PPP1R9B: variants seen among roughly 807,000 people sequenced by gnomAD.
PPP1R9B encodes the protein neurabin-2.
PPP1R9B carries 17 observed loss-of-function variants against 75.8 expected under a neutral mutation model. The observed-to-expected ratio is 0.22, with a 90% confidence interval of 0.15 to 0.34. The LOEUF (loss-of-function observed/expected upper bound fraction) is 0.34, where lower values mean the gene tolerates loss of function less well. PPP1R9B is among the 10% of genes least tolerant of loss of function. The pLI is 1.00. For synonymous variants in PPP1R9B, 509 were observed against 535.4 expected (o/e 0.95, Z 0.68); for missense variants, 875 against 1,196.0 (o/e 0.73, Z 3.96).
At position 50,143,758 on chromosome 17, in the gene PPP1R9B, G is replaced by T. The variant is rs542354158; in HGVS notation, c.1505-40C>A. On this transcript the variant is annotated intron_variant, in intron 2 of 9. Coordinates refer to ENST00000612501, the MANE Select transcript of PPP1R9B (RefSeq NM_032595.5). ...GTGGTGAGATGGCAGGGCTTGTAGGGGACAGACGAGAGACTCTCCACCCCG... is the reference window on the plus strand; with the variant it reads ...GTGGTGAGATGGCAGGGCTTGTAGGTGACAGACGAGAGACTCTCCACCCCG... 23 of 1,611,350 alleles carry T rather than the reference G, an allele frequency of 1.4e-5. No individual in the cohort carries two copies. The African/African-American group carries it at 2.4e-4, about 17-fold the overall frequency.
intron 1 of PPP1R9B, among the ~76,000 whole-genome samples, chr17:50,148,921 G>A (rs1001769530): frequency 6.6e-6 from 1 of 151,924 alleles, no homozygotes; most frequent in African/African-American, 2.4e-5. Context: ...GGAACCTGAG[G>A]GCAGGTCGGG....
intron 7 of PPP1R9B, chr17:50,137,248 G>A (rs768548568): frequency 6.6e-6 from 1 of 152,302 alleles, no homozygotes; most frequent in African/African-American, 2.4e-5. Context: ...CCCGAATCAG[G>A]TTCCTCCTGC....
intron 1 of PPP1R9B, among the ~76,000 whole-genome samples, chr17:50,147,949 C>T (rs1912558120): frequency 6.6e-6 from 1 of 152,176 alleles, no homozygotes; most frequent in African/African-American, 2.4e-5. Context: ...ACAGATGGTG[C>T]TTTGGCTAGG....
chr17:50,145,319 G>A, intron 1 of PPP1R9B, 74 bp from the exon 2 acceptor site: 1 of 1,591,430 alleles, frequency 6.3e-7, no homozygotes. Context: ...AGGCCGAGGA[G>A]GCAGGCTGAG....
Position 50,149,747 on chromosome 17 carries a change from G to A in PPP1R9B, c.767C>T (p.Pro256Leu), listed in dbSNP as rs1220111461. 2.1e-6 allele frequency: 3 copies of A among 1,406,654 alleles called. No homozygotes were observed. The African/African-American group carries it at 4.6e-5, about 21-fold the overall frequency. 87.1% of individuals were successfully genotyped at this position (1,406,654 alleles called of 1,614,324 possible). A position where few individuals can be genotyped will look rare whatever the true frequency, so the allele number is the denominator to read the frequency against. Reference protein sequence around the residue: ...KRSRVFQPPPPPPPAPSGDAP... With the variant: ...KRSRVFQPPPLPPPAPSGDAP... ...ATCCCCCGACGGGGCGGGCGGCGGC[G>A]GCGGCGGGGGCTGGAACACCCGGGA... The change falls in exon 1 of 10, where the codon CCG becomes CTG. Residue 256 changes from proline to leucine, a missense_variant. Physicochemically the swap from Pro to Leu is moderately conservative, Grantham distance 98. This residue lies in a region of PPP1R9B where 449 missense variants were observed against 475.0 expected (regional missense o/e 0.95). Coordinates refer to ENST00000612501, the MANE Select transcript of PPP1R9B (RefSeq NM_032595.5). The surrounding 1 kb of genome is among the most constrained non-coding windows in gnomAD (Gnocchi z 7.2).
In PPP1R9B at chr17:50,134,311, A is replaced by C. The variant is rs1912152187; in HGVS notation, c.*1020T>G. ...GTAGTAAAATTTTGCCCTCCAGTCAAAACATTGGAAAACCAGTAGGGGGTG... is the reference window on the plus strand; with the variant it reads ...GTAGTAAAATTTTGCCCTCCAGTCACAACATTGGAAAACCAGTAGGGGGTG... On this transcript the variant is annotated 3_prime_UTR_variant, in exon 10 of 10. Transcript: ENST00000612501. 1 of 152,706 alleles carries C rather than the reference A, an allele frequency of 6.5e-6. No individual in the cohort carries two copies. The highest frequency in any genetic ancestry group is 6.5e-5 in the Admixed American group (1 of 15,292). 9.5% of individuals were successfully genotyped at this position (152,706 alleles called of 1,614,324 possible). A position where few individuals can be genotyped will look rare whatever the true frequency, so the allele number is the denominator to read the frequency against.
intron 3 of PPP1R9B, 99 bp downstream of exon 3, chr17:50,143,499 G>A: frequency 6.9e-7 from 1 of 1,459,500 alleles, no homozygotes; most frequent in Non-Finnish European, 9.4e-7. Context: ...AAATCTCCCA[G>A]GGAAGGCCCG....
chr17:50,145,219 A>G lies in PPP1R9B; in HGVS notation c.1398T>C (p.Asp466=), dbSNP rs527386226. Reference sequence around the variant, plus strand: ...CCACATCCTCGTTGCGACGATCGTAATCCTCGTTGGAGTAAGTGCTGAACA... The same window carrying G: ...CCACATCCTCGTTGCGACGATCGTAGTCCTCGTTGGAGTAAGTGCTGAACA... ...IQVFSTYSNE[D]YDRRNEDVDP... The change falls in exon 2 of 10, where the codon GAT becomes GAC. Residue 466 remains aspartate, a synonymous_variant. Coordinates refer to ENST00000612501, the MANE Select transcript of PPP1R9B (RefSeq NM_032595.5). 1.1e-5 allele frequency: 17 copies of G among 1,613,918 alleles called. No individual in the cohort carries two copies. In the East Asian group the frequency reaches 3.1e-4, roughly 30 times the overall value.
chr17:50,147,914 G>A (rs964829863), intron 1 of PPP1R9B, among the ~76,000 whole-genome samples: 1 of 152,180 alleles, frequency 6.6e-6, no homozygotes, highest in Non-Finnish European at 1.5e-5. Flanking sequence ...CAGAGTCCAG[G>A]AGTAGTTATG....
In PPP1R9B at chr17:50,135,403, TA is replaced by T. The variant is rs747944790; in HGVS notation, c.2401-20del. The T allele has an allele frequency of 6.2e-7, 1 of 1,612,924 alleles. No homozygotes were observed. The highest frequency in any genetic ancestry group is 8.5e-7 in the Non-Finnish European group (1 of 1,179,206). ...CTGAGATCTGGAAAACAAAGGAGGG[TA>T]GGGGGTCAGGTCTGGACACCAGGCA... On this transcript the variant is annotated intron_variant, in intron 9 of 9. Coordinates refer to ENST00000612501, the MANE Select transcript of PPP1R9B (RefSeq NM_032595.5).
intron 1 of PPP1R9B, among the ~76,000 whole-genome samples, chr17:50,148,859 C>CGCGTGGGGCAGGGCGGGTT (rs1402031353): frequency 6.6e-6 from 1 of 152,194 alleles, no homozygotes; most frequent in Non-Finnish European, 1.5e-5. Flanking sequence ...TCCCAGGACC[C>CGCGTGGGGCAGGGCGGGTT]GCGTGGGGCA....
chr17:50,147,336 G>A (rs1357423686), intron 1 of PPP1R9B, among the ~76,000 whole-genome samples: 2 of 152,256 alleles, frequency 1.3e-5, no homozygotes, highest in African/African-American at 4.8e-5. Flanking sequence ...GGCAACAATT[G>A]GGTCATCCAT....
At position 50,150,387 on chromosome 17, in the gene PPP1R9B, T is replaced by C. The variant is rs2144463222; in HGVS notation, c.127A>G (p.Lys43Glu). ...PDAPGPDEAP[K>E]GAHHKKYGSN... ...CCATATTTCTTGTGGTGGGCCCCCTTGGGTGCCTCGTCGGGCCCGGGCGCG... is the reference window on the plus strand; with the variant it reads ...CCATATTTCTTGTGGTGGGCCCCCTCGGGTGCCTCGTCGGGCCCGGGCGCG... The change falls in exon 1 of 10, where the codon AAG becomes GAG. Residue 43 changes from lysine (K) to glutamate (E), a missense_variant. Physicochemically the swap from Lys to Glu is moderately conservative, Grantham distance 56 (BLOSUM62 1). Around this residue, in one of 4 missense-constraint regions of PPP1R9B, gnomAD observed 145 missense variants for 226.1 expected, o/e 0.64. Coordinates refer to ENST00000612501, the MANE Select transcript of PPP1R9B (RefSeq NM_032595.5). This position sits in a 1 kb window ranked among gnomAD's most constrained non-coding sequence, Gnocchi z 8.7. 1 of 1,410,304 alleles carries C rather than the reference T, an allele frequency of 7.1e-7. No individual in the cohort carries two copies. Among genetic ancestry groups the C allele is most frequent in the East Asian group, 3.1e-5 (1 of 32,522 alleles). The allele number at this position is 1,410,304 out of a possible 1,614,324, so 87.4% of individuals were successfully genotyped here.
intron 1 of PPP1R9B, among the ~76,000 whole-genome samples, chr17:50,146,721 G>A (rs546958601): frequency 1.3e-5 from 2 of 152,302 alleles, no homozygotes; most frequent in African/African-American, 2.4e-5. Context: ...TGCACCCCTC[G>A]AACAAACAGG....
rs757213215 is a variant in PPP1R9B, at chr17:50,140,099, G to C, written c.1860C>G (p.Asp620Glu). ...EQRYAQYGEDDEETGEYATDE... is the reference protein window; with the variant it reads ...EQRYAQYGEDEEETGEYATDE... ...CCAGGCAGGGACTCCCTACCTCCTC[G>C]TCATCCTCCCCATACTGGGCGTATC... Residue 620 changes from aspartate to glutamate, a missense_variant, in exon 5 of 10, where the codon GAC becomes GAG. This residue lies in a region of PPP1R9B where 218 missense variants were observed against 334.6 expected (regional missense o/e 0.65). Coordinates refer to ENST00000612501, the MANE Select transcript of PPP1R9B (RefSeq NM_032595.5). 5 of 1,613,244 alleles carry C rather than the reference G, an allele frequency of 3.1e-6. No individual in the cohort carries two copies. Among genetic ancestry groups the C allele is most frequent in the South Asian group, 1.1e-5 (1 of 90,888 alleles).
At position 50,149,788 on chromosome 17, in the gene PPP1R9B, C is replaced by T. The variant is rs1225911488; in HGVS notation, c.726G>A (p.Lys242=). The T allele has an allele frequency of 1.4e-6, 2 of 1,413,002 alleles. No homozygotes were observed. Among genetic ancestry groups the T allele is most frequent in the Non-Finnish European group, 9.2e-7 (1 of 1,091,354 alleles). 87.5% of individuals were successfully genotyped at this position (1,413,002 alleles called of 1,614,324 possible). A position where few individuals can be genotyped will look rare whatever the true frequency, so the allele number is the denominator to read the frequency against. Residue 242 remains lysine (K), a synonymous_variant, in exon 1 of 10, where the codon AAG becomes AAA. Transcript: ENST00000612501. This position sits in a 1 kb window ranked among gnomAD's most constrained non-coding sequence, Gnocchi z 7.2. ...RAAGVPQVNS[K]LVSKRSRVFQ... is the part of the protein sequence containing the mutation. ...ACACCCGGGACCGCTTGCTGACCAG[C>T]TTCGAGTTGACCTGGGGAACCCCTG...
intron 1 of PPP1R9B, among the ~76,000 whole-genome samples, chr17:50,147,412 G>A (rs1160918037): frequency 1.3e-5 from 2 of 152,192 alleles, no homozygotes. Context: ...GGGCCCCTGT[G>A]CCAGGGTGGG....
chr17:50,136,256 C>T, intron 7 of PPP1R9B, 59 bp from the exon 8 acceptor site: 1 of 1,452,116 alleles, frequency 6.9e-7, no homozygotes, highest in Non-Finnish European at 9.3e-7. Context: ...AAAGGGTACC[C>T]CCATCCTAGC....
intron 1 of PPP1R9B, among the ~76,000 whole-genome samples, chr17:50,148,081 T>C (rs1415244784): frequency 6.7e-6 from 1 of 150,116 alleles, no homozygotes; most frequent in East Asian, 2.0e-4. Flanking sequence ...CCCTGCAGGC[T>C]GAATGTGCTA....
Sources: gnomAD v4.1 joint callset for allele counts (sites outside exome capture counted in the v4.1 genomes callset) on GRCh38, gnomAD v4.1.1 for gene constraint, gnomAD v4.1.1 regional missense constraint, Gnocchi (gnomAD v3.1) non-coding constraint, MANE v1.5 for transcripts, NCBI Gene and HGNC (gene_info 2026-07-23, HGNC 2026-07-21) for gene names.